The following SLC22A23 variants were observed in gnomAD, a reference collection of about 807,000 sequenced individuals.
SLC22A23 encodes the protein ion transporter protein.
SLC22A23 carries 26 observed loss-of-function variants against 61.0 expected under a neutral mutation model. The observed-to-expected ratio is 0.43, with a 90% CI of 0.31 to 0.59. SLC22A23 has a LOEUF of 0.59. Among genes scored for constraint, SLC22A23 ranks in the 20% least tolerant of loss-of-function variants. The pLI is 0.11. For missense variants in SLC22A23, 796 were observed against 934.7 expected, an observed-to-expected ratio of 0.85 and a Z score of 1.94; for synonymous variants, 430 against 413.9, an observed-to-expected ratio of 1.04 and a Z score of -0.47.
At chr6:3,383,134 A>G (rs1767059148) in intron 3 of SLC22A23, among the ~76,000 whole-genome samples, 1 of 152,178 alleles carries the variant, frequency 6.6e-6, no homozygotes, top group African/African-American at 2.4e-5. Context: ...CAGCAGAGAA[A>G]CAAACAAATG....
chr6:3,350,665 T>C (rs1008170288), intron 3 of SLC22A23, among the ~76,000 whole-genome samples: 1 of 152,240 alleles, frequency 6.6e-6, no homozygotes, highest in African/African-American at 2.4e-5. Flanking sequence ...AACTGATCCA[T>C]TCGTCAAACT....
At chr6:3,301,662 C>G (rs985328970) in intron 4 of SLC22A23, among the ~76,000 whole-genome samples, 1 of 152,220 alleles carries the variant, frequency 6.6e-6, no homozygotes, top group Non-Finnish European at 1.5e-5. Context: ...CCTAGGGCCA[C>G]GTACCCCAAG....
At chr6:3,348,952 A>C (rs1764604784) in intron 3 of SLC22A23, among the ~76,000 whole-genome samples, 1 of 152,222 alleles carries the variant, frequency 6.6e-6, no homozygotes, top group Non-Finnish European at 1.5e-5. Context: ...TCCAGCGTTC[A>C]TCACCACTCT....
chr6:3,440,111 A>C (rs1771493785), intron 1 of SLC22A23, among the ~76,000 whole-genome samples: 1 of 152,178 alleles, frequency 6.6e-6, no homozygotes. Flanking sequence ...GGGAAAAGGC[A>C]CAGATAAGAT....
At chr6:3,283,170 G>A (rs542264953) in intron 9 of SLC22A23, among the ~76,000 whole-genome samples, 2 of 152,240 alleles carry the variant, frequency 1.3e-5, no homozygotes, top group South Asian at 2.1e-4. Context: ...GGTGGTTCAC[G>A]CCTGTAATCC....
At chr6:3,405,693 G>A (rs1768779389) in intron 3 of SLC22A23, among the ~76,000 whole-genome samples, 1 of 151,292 alleles carries the variant, frequency 6.6e-6, no homozygotes. Flanking sequence ...TAAGTTGCAA[G>A]GAATATTAGT....
At chr6:3,368,790 G>A (rs1316809056) in intron 3 of SLC22A23, among the ~76,000 whole-genome samples, 2 of 152,198 alleles carry the variant, frequency 1.3e-5, no homozygotes, top group Admixed American at 1.3e-4. Context: ...AACAGGAGAG[G>A]AAGTCCAATC....
intron 1 of SLC22A23, among the ~76,000 whole-genome samples, chr6:3,440,047 G>A (rs1561984369): frequency 1.3e-5 from 2 of 152,098 alleles, no homozygotes; most frequent in Non-Finnish European, 2.9e-5. Context: ...TTGAAGCAAG[G>A]GAGTGATAAA....
intron 3 of SLC22A23, among the ~76,000 whole-genome samples, chr6:3,385,507 C>T (rs548873025): frequency 2.0e-5 from 3 of 150,732 alleles, no homozygotes; most frequent in African/African-American, 7.4e-5. Flanking sequence ...CAGAGCAGAA[C>T]TCTGTCTCAA....
At chr6:3,418,609 C>T (rs1769900034) in intron 1 of SLC22A23, among the ~76,000 whole-genome samples, 1 of 152,242 alleles carries the variant, frequency 6.6e-6, no homozygotes, top group South Asian at 2.1e-4. Flanking sequence ...GTATTGCTGG[C>T]TCCACAGTTC....
At chr6:3,280,911 A>G (rs1168771353) in intron 9 of SLC22A23, among the ~76,000 whole-genome samples, 1 of 152,120 alleles carries the variant, frequency 6.6e-6, no homozygotes, top group African/African-American at 2.4e-5. Context: ...GACAGATGTC[A>G]GGGAGTCGTC....
intron 3 of SLC22A23, among the ~76,000 whole-genome samples, chr6:3,334,196 T>C (rs900005225): frequency 6.6e-6 from 1 of 152,232 alleles, no homozygotes; most frequent in African/African-American, 2.4e-5. Context: ...AGTTTCACTC[T>C]TGTTGTCCAG....
intron 3 of SLC22A23, among the ~76,000 whole-genome samples, chr6:3,365,254 G>A (rs57720005): frequency 0.043 from 6,561 of 152,298 alleles, 164 homozygotes; most frequent in Non-Finnish European, 0.053. Flanking sequence ...CCCGGGAGGT[G>A]GAGGTTGCAG....
At chr6:3,395,687 A>G (rs1767961555) in intron 3 of SLC22A23, among the ~76,000 whole-genome samples, 1 of 152,178 alleles carries the variant, frequency 6.6e-6, no homozygotes, top group Non-Finnish European at 1.5e-5. Flanking sequence ...CAAGCCTTAA[A>G]ATCACTGCCA....
chr6:3,323,694 A>C (rs191435709), intron 4 of SLC22A23, 140 bp downstream of exon 4: 2 of 1,006,572 alleles, frequency 2.0e-6, no homozygotes, highest in East Asian at 2.6e-5. Context: ...ATTTTTTAAA[A>C]AGAGAGGAAA....
At chr6:3,388,181 T>C (rs1455281627) in intron 3 of SLC22A23, among the ~76,000 whole-genome samples, 1 of 152,168 alleles carries the variant, frequency 6.6e-6, no homozygotes, top group Non-Finnish European at 1.5e-5. Flanking sequence ...AGGAGACTCA[T>C]CCAACAAATG....
rs373220005 is a variant in SLC22A23, at chr6:3,288,423, T to C, written c.1314-1332A>G. Reference sequence around the variant, plus strand: ...GGTGAATGCCTTTCCTCTTGGGAAATAGGCAGAGGCCCCAGCCCCCGCACA... The same window carrying C: ...GGTGAATGCCTTTCCTCTTGGGAAACAGGCAGAGGCCCCAGCCCCCGCACA... On this transcript the variant is annotated intron_variant, in intron 6 of 9. Coordinates refer to ENST00000406686, the MANE Select transcript of SLC22A23 (RefSeq NM_015482.2). 1.1e-3 allele frequency among the ~76,000 whole-genome samples: 175 copies of C among 152,272 alleles called. 1 individual carries two copies. Among genetic ancestry groups the C allele is most frequent in the African/African-American group, 3.8e-3 (159 of 41,550 alleles).
chr6:3,289,673 G>A (rs375229651), intron 6 of SLC22A23, 91 bp downstream of exon 6: 27 of 1,004,538 alleles, frequency 2.7e-5, no homozygotes, highest in South Asian at 2.6e-4. Flanking sequence ...CAAGTTCAGC[G>A]GGGTGGGGAG....
At position 3,387,936 on chromosome 6, in the gene SLC22A23, C is replaced by T. The variant is rs1439083239; in HGVS notation, c.913+22252G>A. 2.0e-5 allele frequency among the ~76,000 whole-genome samples: 3 copies of T among 152,220 alleles called. No homozygotes were observed. Among genetic ancestry groups the T allele is most frequent in the Admixed American group, 6.5e-5 (1 of 15,288 alleles). ...CACGGCATCTCCTTTCGGTGGAATT[C>T]GTGCTGTTCCTGCTGCCTGAAAGAG... On this transcript the variant is annotated intron_variant, in intron 3 of 9. Transcript: ENST00000406686. The surrounding 1 kb of genome is among the most constrained non-coding windows in gnomAD (Gnocchi z 5.0).
Sources: gnomAD v4.1 joint callset for allele counts (sites outside exome capture counted in the v4.1 genomes callset) on GRCh38, gnomAD v4.1.1 for gene constraint, Gnocchi (gnomAD v3.1) non-coding constraint, MANE v1.5 for transcripts, NCBI Gene and HGNC (gene_info 2026-07-23, HGNC 2026-07-21) for gene names.